MID1: variants seen among roughly 807,000 people sequenced by gnomAD.
MID1 encodes the protein E3 ubiquitin-protein ligase Midline-1.
A neutral mutation model predicts 40.4 loss-of-function variants in MID1; 7 were observed. The ratio of observed to expected loss-of-function variants is 0.17; its 90% CI spans 0.10 to 0.33. The LOEUF (loss-of-function observed/expected upper bound fraction) is 0.33. MID1 is among the 10% of genes least tolerant of loss of function. The pLI is 1.00. For missense variants in MID1, 367 were observed against 558.5 expected, an observed-to-expected ratio of 0.66 and a Z score of 3.46; for synonymous variants, 229 against 221.2, an observed-to-expected ratio of 1.04 and a Z score of -0.31.
At chrX:10,775,249 G>A (rs963029408) in intron 1 of MID1, among the ~76,000 whole-genome samples, 1 of 110,664 alleles carries the variant, frequency 9.0e-6, no homozygotes, top group African/African-American at 3.3e-5. Flanking sequence ...AAGAGAATGT[G>A]ATTGGAAAGG....
intron 1 of MID1, among the ~76,000 whole-genome samples, chrX:10,628,602 CT>C (rs1936019771): frequency 8.9e-6 from 1 of 111,777 alleles, no homozygotes; most frequent in Admixed American, 9.5e-5. Context: ...TTATGGTCAT[CT>C]TTAGAAACCA....
intron 1 of MID1, among the ~76,000 whole-genome samples, chrX:10,717,702 G>T (rs2043316087): frequency 1.8e-5 from 2 of 109,455 alleles, no homozygotes; most frequent in South Asian, 8.2e-4. Flanking sequence ...GGACCTAATA[G>T]ACATCTACAG....
intron 1 of MID1, among the ~76,000 whole-genome samples, chrX:10,815,880 T>C (rs2044132718): frequency 8.9e-6 from 1 of 112,458 alleles, no homozygotes; most frequent in South Asian, 3.7e-4. Context: ...GCAGGAATCC[T>C]ACCATCTTTC....
At chrX:10,832,115 G>A (rs987936174) in intron 1 of MID1, among the ~76,000 whole-genome samples, 3 of 112,513 alleles carry the variant, frequency 2.7e-5, no homozygotes, top group Non-Finnish European at 5.6e-5. Context: ...TCTGTTCTGC[G>A]GCTTGTGCTA....
At chrX:10,723,135 T>G (rs1220684433) in intron 1 of MID1, among the ~76,000 whole-genome samples, 1 of 112,231 alleles carries the variant, frequency 8.9e-6, no homozygotes, top group Non-Finnish European at 1.9e-5. Context: ...TGAAATTAGC[T>G]TGATTCTGAG....
At chrX:10,598,878 C>T (rs1488279575) in intron 1 of MID1, among the ~76,000 whole-genome samples, 1 of 112,018 alleles carries the variant, frequency 8.9e-6, no homozygotes, top group African/African-American at 3.2e-5. Flanking sequence ...TTGCAACCTA[C>T]AGAGCCACGA....
intron 1 of MID1, among the ~76,000 whole-genome samples, chrX:10,673,248 G>C (rs1338044033): frequency 9.0e-6 from 1 of 111,235 alleles, no homozygotes; most frequent in Non-Finnish European, 1.9e-5. Context: ...CCTGTCTTCT[G>C]CTCACCTGCT....
chrX:10,515,102 C>T (rs1053961640), intron 3 of MID1, among the ~76,000 whole-genome samples: 1 of 112,253 alleles, frequency 8.9e-6, no homozygotes, highest in Non-Finnish European at 1.9e-5. Context: ...TCCAATGACT[C>T]CGGATGAAGC....
At chrX:10,475,993 C>A (rs764347698) in intron 5 of MID1, among the ~76,000 whole-genome samples, 1 of 111,372 alleles carries the variant, frequency 9.0e-6, no homozygotes, top group Non-Finnish European at 1.9e-5. Context: ...CTAAAAATTA[C>A]ATCTGTGGGT....
chrX:10,508,502 G>A (rs1252340763), intron 3 of MID1, among the ~76,000 whole-genome samples: 1 of 111,721 alleles, frequency 9.0e-6, no homozygotes, highest in Admixed American at 9.5e-5. Flanking sequence ...ACATTACACA[G>A]TACTTTGATT....
chrX:10,829,873 A>G (rs2044241975), intron 1 of MID1, among the ~76,000 whole-genome samples: 1 of 111,929 alleles, frequency 8.9e-6, no homozygotes, highest in Non-Finnish European at 1.9e-5. Context: ...ATTGTTACCG[A>G]AACTTGTACG....
chrX:10,505,887 G>A, intron 3 of MID1: 1 of 753,723 alleles, frequency 1.3e-6, no homozygotes, highest in South Asian at 6.7e-5. Context: ...CCCTTTTTGG[G>A]TTTCAGTTAC....
chrX:10,559,455 T>C (rs775176012), intron 2 of MID1, among the ~76,000 whole-genome samples: 4 of 112,724 alleles, frequency 3.5e-5, no homozygotes, highest in Non-Finnish European at 3.7e-5. Context: ...ATATAGTCTG[T>C]CTGTATTTTA....
chrX:10,548,132 G>A (rs1397682448), intron 2 of MID1, among the ~76,000 whole-genome samples: 1 of 111,526 alleles, frequency 9.0e-6, no homozygotes, highest in Non-Finnish European at 1.9e-5. Flanking sequence ...AATTAGTATG[G>A]GAAGCCCTCA....
chrX:10,654,229 ACTTC>A, intron 1 of MID1, among the ~76,000 whole-genome samples: 1 of 112,101 alleles, frequency 8.9e-6, no homozygotes, highest in Non-Finnish European at 1.9e-5. Context: ...TTATTCATGT[ACTTC>A]CTCTACCTCG....
At chrX:10,715,748 T>G (rs2043298103) in intron 1 of MID1, among the ~76,000 whole-genome samples, 1 of 111,819 alleles carries the variant, frequency 8.9e-6, no homozygotes, top group Non-Finnish European at 1.9e-5. Flanking sequence ...GACTGCCTCC[T>G]CAAGTGGGTC....
chrX:10,675,519 C>A (rs946226313), intron 1 of MID1, among the ~76,000 whole-genome samples: 5 of 111,530 alleles, frequency 4.5e-5, no homozygotes, highest in East Asian at 5.6e-4. Context: ...CAGCCCCCAA[C>A]TCCAAACACG....
intron 1 of MID1, among the ~76,000 whole-genome samples, chrX:10,661,926 A>G (rs1449177306): frequency 8.9e-6 from 1 of 112,620 alleles, no homozygotes; most frequent in Non-Finnish European, 1.9e-5. Context: ...ACGCTCTTCT[A>G]GAAGTTATTA....
chrX:10,641,589 A>G (rs763625800), intron 1 of MID1, among the ~76,000 whole-genome samples: 1 of 112,138 alleles, frequency 8.9e-6, no homozygotes, highest in South Asian at 3.7e-4. Flanking sequence ...CCAGAGGTAC[A>G]AAGAGGAGCT....
Sources: gnomAD v4.1 joint callset for allele counts (sites outside exome capture counted in the v4.1 genomes callset) on GRCh38, gnomAD v4.1.1 for gene constraint, MANE v1.5 for transcripts, NCBI Gene and HGNC (gene_info 2026-07-23, HGNC 2026-07-21) for gene names.